Variants in MYOCD observed in about 807,000 individuals in gnomAD.
MYOCD encodes myocardin.
MYOCD carries 32 observed loss-of-function variants against 96.1 expected under a neutral mutation model. The ratio of observed to expected loss-of-function variants is 0.33; its 90% CI spans 0.25 to 0.45. The LOEUF is 0.45. Ranked by LOEUF, MYOCD falls within the 20% of genes least tolerant of loss-of-function variation. MYOCD has a pLI of 1.00. For missense variants in MYOCD, 1,133 were observed against 1,200.6 expected, an observed-to-expected ratio of 0.94 and a Z score of 0.83; for synonymous variants, 469 against 469.0, an observed-to-expected ratio of 1.00 and a Z score of 0.00.
Position 12,766,692 on chromosome 17 carries a change from A to T in MYOCD, c.*3048A>T, listed in dbSNP as rs957427986. On this transcript the variant is annotated 3_prime_UTR_variant, in exon 14 of 14. Coordinates refer to ENST00000425538, the MANE Select transcript of MYOCD (RefSeq NM_001146312.3). ...AAAAGATGTACAGAGACTTACGAAG[A>T]TGGTCACATTCAAGTTCCCTAATGC... The T allele has an allele frequency of 6.6e-6, 1 of 152,216 alleles. No individual in the cohort carries two copies. Among genetic ancestry groups the T allele is most frequent in the African/African-American group, 2.4e-5 (1 of 41,460 alleles). 9.4% of individuals were successfully genotyped at this position (152,216 alleles called of 1,614,324 possible).
At chr17:12,740,305 TC>T (rs2032469828) in intron 7 of MYOCD, among the ~76,000 whole-genome samples, 1 of 152,194 alleles carries the variant, frequency 6.6e-6, no homozygotes, top group Admixed American at 6.5e-5. Context: ...CAATACGGAA[TC>T]TTTTATCCCT....
intron 1 of MYOCD, among the ~76,000 whole-genome samples, chr17:12,694,698 G>A (rs921454926): frequency 1.3e-5 from 2 of 152,004 alleles, no homozygotes; most frequent in African/African-American, 4.8e-5. Context: ...CGTACCAAAC[G>A]CCTTCAAATT....
At chr17:12,754,095 T>TGTGTGTGTGTGTGTG (rs1555535687) in intron 10 of MYOCD, among the ~76,000 whole-genome samples, 1 of 150,780 alleles carries the variant, frequency 6.6e-6, no homozygotes, top group Non-Finnish European at 1.5e-5. Context: ...TGTGTGTGTG[T>TGTGTGTGTGTGTGTG]AGTTTGGAAG....
At chr17:12,669,446 TGTTCA>T (rs1909568000) in intron 1 of MYOCD, among the ~76,000 whole-genome samples, 1 of 152,210 alleles carries the variant, frequency 6.6e-6, no homozygotes, top group African/African-American at 2.4e-5. Context: ...AATATAACCT[TGTTCA>T]GTTTAGCAAA....
At chr17:12,668,897 G>C (rs376392513) in intron 1 of MYOCD, among the ~76,000 whole-genome samples, 1 of 152,094 alleles carries the variant, frequency 6.6e-6, no homozygotes. Flanking sequence ...CAGTGGGACC[G>C]GCGGTTGGTC....
chr17:12,752,350 A>G, intron 9 of MYOCD, 64 bp from the exon 10 acceptor site: 1 of 1,375,156 alleles, frequency 7.3e-7, no homozygotes, highest in East Asian at 2.3e-5. Context: ...CTAATTGTAT[A>G]ATGAATACAC....
At position 12,767,976 on chromosome 17, in the gene MYOCD, C is replaced by G. The variant is rs971027134; in HGVS notation, c.*4332C>G. ...AAGGCAATTTGATTTCCCCCCACAG[C>G]CCTCAGCTGCCTTCCTCACAGAAGG... On this transcript the variant is annotated 3_prime_UTR_variant, in exon 14 of 14. Transcript: ENST00000425538. 1.4e-4 allele frequency: 22 copies of G among 152,182 alleles called. No individual in the cohort carries two copies. Among genetic ancestry groups the G allele is most frequent in the African/African-American group, 5.3e-4 (22 of 41,458 alleles). 9.4% of individuals were successfully genotyped at this position (152,182 alleles called of 1,614,324 possible).
chr17:12,768,518 T>C lies in MYOCD; in HGVS notation c.*4874T>C, dbSNP rs1567608735. The stretch of plus-strand genomic sequence containing the variant: ...CCCATCGTGAACCCTGGAGCATGCA[T>C]TTCCTAGAAGTGGTTTCATAGCTCC... On this transcript the variant is annotated 3_prime_UTR_variant, in exon 14 of 14. Coordinates refer to ENST00000425538, the MANE Select transcript of MYOCD (RefSeq NM_001146312.3). 1 of 152,202 alleles carries C rather than the reference T, an allele frequency of 6.6e-6. No homozygotes were observed. Among genetic ancestry groups the C allele is most frequent in the East Asian group, 1.9e-4 (1 of 5,202 alleles). The allele number at this position is 152,202 out of a possible 1,614,324, so 9.4% of individuals were successfully genotyped here.
Position 12,767,155 on chromosome 17 carries a change from C to A in MYOCD, c.*3511C>A, listed in dbSNP as rs1157691726. 6.6e-6 allele frequency: 1 copy of A among 152,182 alleles called. No individual in the cohort carries two copies. Among genetic ancestry groups the A allele is most frequent in the East Asian group, 1.9e-4 (1 of 5,162 alleles). 9.4% of individuals were successfully genotyped at this position (152,182 alleles called of 1,614,324 possible). ...AGCTGTCACATTATGAGAAGTAAAT[C>A]AGAATTTTTTTAAGGAGAAGTCATT... On this transcript the variant is annotated 3_prime_UTR_variant, in exon 14 of 14. Transcript: ENST00000425538.
chr17:12,767,799 T>C lies in MYOCD; in HGVS notation c.*4155T>C, dbSNP rs1384668520. Reference sequence around the variant, plus strand: ...TCCACGAGAGTTTGAAGATTTGTGTTGATTGCCAGATACAGAAGCCCCTTG... The same window carrying C: ...TCCACGAGAGTTTGAAGATTTGTGTCGATTGCCAGATACAGAAGCCCCTTG... On this transcript the variant is annotated 3_prime_UTR_variant, in exon 14 of 14. Coordinates refer to ENST00000425538, the MANE Select transcript of MYOCD (RefSeq NM_001146312.3). The C allele has an allele frequency of 6.6e-6, 1 of 152,168 alleles. No homozygotes were observed. Among genetic ancestry groups the C allele is most frequent in the Non-Finnish European group, 1.5e-5 (1 of 68,022 alleles). 9.4% of individuals were successfully genotyped at this position (152,168 alleles called of 1,614,324 possible).
chr17:12,716,116 AT>A (rs1240667609), intron 3 of MYOCD, among the ~76,000 whole-genome samples: 2 of 152,208 alleles, frequency 1.3e-5, no homozygotes, highest in African/African-American at 4.8e-5. Flanking sequence ...TGTCAATAAT[AT>A]ATTAATAAAT....
intron 8 of MYOCD, 53 bp downstream of exon 8, chr17:12,744,489 T>A: frequency 6.5e-7 from 1 of 1,536,040 alleles, no homozygotes; most frequent in Non-Finnish European, 8.8e-7. Context: ...GGGAAGGGTG[T>A]CTATTAATAT....
rs747021728 is a variant in MYOCD, at chr17:12,736,320, C to A, written c.575C>A (p.Ser192Tyr). 2 of 1,613,492 alleles carry A rather than the reference C, an allele frequency of 1.2e-6. No homozygotes were observed. Among genetic ancestry groups the A allele is most frequent in the Admixed American group, 3.3e-5 (2 of 59,752 alleles). ...GCCTCAGATACCCCTTCGACAGGTT[C>A]TCTGGGGACAAACCAGGTAAAAAAC... ...AKASDTPSTG[S>Y]LGTNQDLASG... Residue 192 changes from serine to tyrosine, a missense_variant, in exon 6 of 14, where the codon TCT (serine) becomes TAT (tyrosine). Physicochemically the swap from Ser to Tyr is moderately radical, Grantham distance 144 (BLOSUM62 -2). Transcript: ENST00000425538.
chr17:12,671,750 A>G (rs2150627529), intron 1 of MYOCD: 1 of 152,340 alleles, frequency 6.6e-6, no homozygotes, highest in Non-Finnish European at 1.5e-5. Context: ...CTCTAATTGG[A>G]TTAAATTGAA....
At position 12,717,356 on chromosome 17, in the gene MYOCD, C is replaced by G. The variant is rs201202686; in HGVS notation, c.188C>G (p.Ser63Cys). 54 of 1,613,804 alleles carry G rather than the reference C, an allele frequency of 3.3e-5. No individual in the cohort carries two copies. In the East Asian group the frequency reaches 1.0e-3, roughly 30 times the overall value. The change falls in exon 4 of 14, where the codon TCC becomes TGC. Residue 63 changes from serine to cysteine, a missense_variant. Physicochemically the swap from Ser to Cys is moderately radical, Grantham distance 112 (BLOSUM62 -1). Coordinates refer to ENST00000425538, the MANE Select transcript of MYOCD (RefSeq NM_001146312.3). ...GTTTGGGTTCTACAGGCTAAAAATT[C>G]CCTGAAGCGCAAAGCCAGAAACAGG... ...KHLDSDKAKN[S>C]LKRKARNRCN...
At chr17:12,687,793 G>A (rs936440169) in intron 1 of MYOCD, among the ~76,000 whole-genome samples, 1 of 152,316 alleles carries the variant, frequency 6.6e-6, no homozygotes, top group Middle Eastern at 3.4e-3. Context: ...GATAAATGGA[G>A]TAGTTGGGTA....
chr17:12,749,819 ATATAT>A (rs1414279482), intron 9 of MYOCD, among the ~76,000 whole-genome samples: 1 of 151,268 alleles, frequency 6.6e-6, no homozygotes, highest in Non-Finnish European at 1.5e-5. Flanking sequence ...CCTGAATTAA[ATATAT>A]TAATATTGTT....
At chr17:12,719,652 A>G (rs2031763147) in intron 4 of MYOCD, among the ~76,000 whole-genome samples, 1 of 149,826 alleles carries the variant, frequency 6.7e-6, no homozygotes, top group Admixed American at 6.7e-5. Flanking sequence ...CAGGAGTTTG[A>G]GACCAGCCTG....
chr17:12,754,016 G>C (rs1320579645), intron 10 of MYOCD, among the ~76,000 whole-genome samples: 1 of 151,768 alleles, frequency 6.6e-6, no homozygotes, highest in Non-Finnish European at 1.5e-5. Context: ...AGTTAATTAT[G>C]TACTATATTA....
Sources: allele counts gnomAD v4.1 joint callset (sites outside exome capture counted in the v4.1 genomes callset), GRCh38; gene constraint gnomAD v4.1.1; transcripts MANE v1.5; gene names NCBI Gene and HGNC (gene_info 2026-07-23, HGNC 2026-07-21).